BAD: variants seen among roughly 807,000 people sequenced by gnomAD.
BAD encodes the protein bcl2-associated agonist of cell death.
Under a neutral mutation model 17.8 loss-of-function variants are expected in BAD, and 18 were observed. The observed-to-expected ratio is 1.01, with a 90% confidence interval of 0.70 to 1.50. The LOEUF is 1.50. BAD is among the 40% of genes most tolerant of loss of function. The pLI, the probability that BAD is intolerant of heterozygous loss-of-function variation, is 0.00. For synonymous variants in BAD, 112 were observed against 91.5 expected, an observed-to-expected ratio of 1.22 and a Z score of -1.28; for missense variants, 294 against 239.3, an observed-to-expected ratio of 1.23 and a Z score of -1.51.
chr11:64,278,068 G>C (rs1295298411), intron 2 of BAD, among the ~76,000 whole-genome samples: 1 of 152,102 alleles, frequency 6.6e-6, no homozygotes, highest in African/African-American at 2.4e-5. Context: ...CAAAAGGACT[G>C]CTTGAGGCCA....
At position 64,271,758 on chromosome 11, in the gene BAD, G is replaced by C. The variant is rs554645051; in HGVS notation, c.233C>G (p.Ala78Gly). 9.9e-5 allele frequency: 142 copies of C among 1,428,972 alleles called. 4 individuals are homozygous for C. The South Asian group carries it at 2.1e-3, about 22-fold the overall frequency. The allele number at this position is 1,428,972 out of a possible 1,614,324, so 88.5% of individuals were successfully genotyped here. ...EIRSRHSSYP[A>G]GTEDDEGMGE... Reference sequence around the variant, plus strand: ...CATCCCTTCGTCGTCCTCCGTCCCCGCGGGGTAGGAGCTGTGGCGACTCCG... The same window carrying C: ...CATCCCTTCGTCGTCCTCCGTCCCCCCGGGGTAGGAGCTGTGGCGACTCCG... Residue 78 changes from alanine (A) to glycine (G), a missense_variant, in exon 3 of 4, where the codon GCG becomes GGG. Ala to Gly is a moderately conservative substitution (Grantham distance 60). Transcript: ENST00000309032.
Position 64,270,009 on chromosome 11 carries a change from G to C in BAD, c.*200C>G, listed in dbSNP as rs73500186. 2.2e-5 allele frequency: 23 copies of C among 1,068,608 alleles called. No individual in the cohort carries two copies. Among genetic ancestry groups the C allele is most frequent in the Non-Finnish European group, 3.1e-5 (23 of 733,504 alleles). The allele number at this position is 1,068,608 out of a possible 1,614,324, so 66.2% of individuals were successfully genotyped here. A position where few individuals can be genotyped will look rare whatever the true frequency, so the allele number is the denominator to read the frequency against. ...GGAGCCACTTCCGGCGGCTGTGGGC[G>C]GAAAACCCAAAACTTCCGATGGGAC... On this transcript the variant is annotated 3_prime_UTR_variant, in exon 4 of 4. Transcript: ENST00000309032.
Position 64,271,809 on chromosome 11 carries a change from G to A in BAD, c.188-6C>T. Reference sequence around the variant, plus strand: ...GATCTCCACAGCCCCAGCGCCTGCAGAGGGTCAGTGGGTAGGGGGGCGACG... The same window carrying A: ...GATCTCCACAGCCCCAGCGCCTGCAAAGGGTCAGTGGGTAGGGGGGCGACG... On this transcript the variant is annotated splice_polypyrimidine_tract_variant and splice_region_variant and intron_variant, in intron 2 of 3. Transcript: ENST00000309032. 1 of 1,396,768 alleles carries A rather than the reference G, an allele frequency of 7.2e-7. No individual in the cohort carries two copies. The highest frequency in any genetic ancestry group is 2.8e-5 in the East Asian group (1 of 35,854). 86.5% of individuals were successfully genotyped at this position (1,396,768 alleles called of 1,614,324 possible).
intron 2 of BAD, among the ~76,000 whole-genome samples, chr11:64,280,513 G>T (rs1466979532): frequency 1.2e-4 from 17 of 141,562 alleles, no homozygotes; most frequent in South Asian, 2.3e-4. Flanking sequence ...CACCACGCCC[G>T]GCTAATTTTT....
chr11:64,270,083 C>T lies in BAD; in HGVS notation c.*126G>A. Reference sequence around the variant, plus strand: ...CACCGGAAGGGAATCTGGGTCAGCCCTCCCTCCAAAGGAGACAGCACGGAT... The same window carrying T: ...CACCGGAAGGGAATCTGGGTCAGCCTTCCCTCCAAAGGAGACAGCACGGAT... On this transcript the variant is annotated 3_prime_UTR_variant, in exon 4 of 4. Transcript: ENST00000309032. 1 of 1,480,592 alleles carries T rather than the reference C, an allele frequency of 6.8e-7. No homozygotes were observed. The highest frequency in any genetic ancestry group is 9.2e-7 in the Non-Finnish European group (1 of 1,083,602). 91.7% of individuals were successfully genotyped at this position (1,480,592 alleles called of 1,614,324 possible).
At chr11:64,271,431 G>A (rs1039004184) in intron 3 of BAD, among the ~76,000 whole-genome samples, 182 bp downstream of exon 3, 2 of 149,972 alleles carry the variant, frequency 1.3e-5, no homozygotes, top group Admixed American at 1.3e-4. Context: ...GCTGGGGAGT[G>A]GGGGCGGGGA....
intron 2 of BAD, among the ~76,000 whole-genome samples, chr11:64,272,568 G>C (rs1161973551): frequency 6.6e-6 from 1 of 152,228 alleles, no homozygotes; most frequent in Non-Finnish European, 1.5e-5. Context: ...TCTGGAGACA[G>C]TGTCTGGAAC....
intron 1 of BAD, 119 bp downstream of exon 1, chr11:64,284,512 G>A (rs975562595): frequency 1.9e-6 from 3 of 1,548,606 alleles, no homozygotes; most frequent in South Asian, 2.3e-5. Flanking sequence ...GCCCTCATCT[G>A]TCTGCCGGGT....
intron 2 of BAD, chr11:64,272,005 C>G (rs2032666723): frequency 2.4e-6 from 1 of 412,900 alleles, no homozygotes; most frequent in Admixed American, 4.3e-5. Context: ...TTTAGGTTAA[C>G]TTCTCATTAA....
At position 64,270,056 on chromosome 11, in the gene BAD, C is replaced by T. The variant is rs1376050693; in HGVS notation, c.*153G>A. ...GGACCAAGCCTTCCGTGGCTTCACA[C>T]GCACCGGAAGGGAATCTGGGTCAGC... On this transcript the variant is annotated 3_prime_UTR_variant, in exon 4 of 4. Transcript: ENST00000309032. The T allele has an allele frequency of 7.4e-7, 1 of 1,356,280 alleles. No individual in the cohort carries two copies. The highest frequency in any genetic ancestry group is 2.1e-5 in the Admixed American group (1 of 47,122). 84.0% of individuals were successfully genotyped at this position (1,356,280 alleles called of 1,614,324 possible). A position where few individuals can be genotyped will look rare whatever the true frequency, so the allele number is the denominator to read the frequency against.
rs368660221 is a variant in BAD, at chr11:64,271,747, C to T, written c.244G>A (p.Asp82Asn). ...GGCTCCTCCCCCATCCCTTCGTCGT[C>T]CTCCGTCCCCGCGGGGTAGGAGCTG... The part of the protein sequence containing the change: ...RHSSYPAGTE[D>N]DEGMGEEPSP... Residue 82 changes from aspartate to asparagine, a missense_variant, in exon 3 of 4, where the codon GAC becomes AAC. Transcript: ENST00000309032. 182 of 1,450,570 alleles carry T rather than the reference C, an allele frequency of 1.3e-4. 1 individual carries two copies. The highest frequency in any genetic ancestry group is 1.6e-4 in the Non-Finnish European group (174 of 1,102,290). 89.9% of individuals were successfully genotyped at this position (1,450,570 alleles called of 1,614,324 possible). A position where few individuals can be genotyped will look rare whatever the true frequency, so the allele number is the denominator to read the frequency against.
In BAD at chr11:64,270,192, G is replaced by A. The variant is rs774529140; in HGVS notation, c.*17C>T. 5.0e-6 allele frequency: 8 copies of A among 1,613,960 alleles called. No individual in the cohort carries two copies. Among genetic ancestry groups the A allele is most frequent in the East Asian group, 4.5e-5 (2 of 44,876 alleles). Reference sequence around the variant, plus strand: ...GGGCAGTGGGAACGGGTGGAGTTTCGGGATGTGGAGCGAAGGTCACTGGGA... The same window carrying A: ...GGGCAGTGGGAACGGGTGGAGTTTCAGGATGTGGAGCGAAGGTCACTGGGA... On this transcript the variant is annotated 3_prime_UTR_variant, in exon 4 of 4. Coordinates refer to ENST00000309032, the MANE Select transcript of BAD (RefSeq NM_032989.3).
rs770500791 is a variant in BAD at position 64,270,044 on chromosome 11, C to T, written c.*165G>A. The T allele has an allele frequency of 1.2e-5, 15 of 1,298,152 alleles. No homozygotes were observed. The highest frequency in any genetic ancestry group is 4.4e-5 in the African/African-American group (3 of 67,524). The allele number at this position is 1,298,152 out of a possible 1,614,324, so 80.4% of individuals were successfully genotyped here. ...AAACTTCCGATGGGACCAAGCCTTCCGTGGCTTCACACGCACCGGAAGGGA... is the reference window on the plus strand; with the variant it reads ...AAACTTCCGATGGGACCAAGCCTTCTGTGGCTTCACACGCACCGGAAGGGA... On this transcript the variant is annotated 3_prime_UTR_variant, in exon 4 of 4. Transcript: ENST00000309032.
At chr11:64,278,932 A>T (rs2033245665) in intron 2 of BAD, among the ~76,000 whole-genome samples, 1 of 152,140 alleles carries the variant, frequency 6.6e-6, no homozygotes, top group Admixed American at 6.5e-5. Context: ...GCTTTTGGAG[A>T]CACTGAAAAC....
intron 2 of BAD, 137 bp downstream of exon 2, chr11:64,284,045 A>G: frequency 9.4e-7 from 1 of 1,062,714 alleles, no homozygotes; most frequent in South Asian, 1.7e-5. Context: ...TTGCTGTTTT[A>G]CGAAAGAGGA....
Position 64,270,017 on chromosome 11 carries a change from C to G in BAD, c.*192G>C. On this transcript the variant is annotated 3_prime_UTR_variant, in exon 4 of 4. Transcript: ENST00000309032. Reference sequence around the variant, plus strand: ...TTCCGGCGGCTGTGGGCGGAAAACCCAAAACTTCCGATGGGACCAAGCCTT... The same window carrying G: ...TTCCGGCGGCTGTGGGCGGAAAACCGAAAACTTCCGATGGGACCAAGCCTT... The G allele has an allele frequency of 8.6e-7, 1 of 1,167,528 alleles. No individual in the cohort carries two copies. The highest frequency in any genetic ancestry group is 2.6e-5 in the East Asian group (1 of 39,078). 72.3% of individuals were successfully genotyped at this position (1,167,528 alleles called of 1,614,324 possible).
chr11:64,272,792 T>C (rs969283559), intron 2 of BAD: 1 of 152,298 alleles, frequency 6.6e-6, no homozygotes, highest in Non-Finnish European at 1.5e-5. Context: ...AGTCCAGTGA[T>C]GATCAGCGGA....
intron 2 of BAD, chr11:64,276,645 AAGTGTTCT>A: frequency 2.4e-6 from 1 of 424,314 alleles, no homozygotes; most frequent in Non-Finnish European, 4.2e-6. Flanking sequence ...AATTTTTAAA[AAGTGTTCT>A]ATTTACAGGG....
At chr11:64,270,504 A>AT in intron 3 of BAD, 167 bp from the exon 4 acceptor site, 1 of 894,550 alleles carries the variant, frequency 1.1e-6, no homozygotes, top group Non-Finnish European at 1.7e-6. Context: ...GCGAGGACGC[A>AT]TGGGCCCCCA....
Sources: allele counts gnomAD v4.1 joint callset (sites outside exome capture counted in the v4.1 genomes callset), GRCh38; gene constraint gnomAD v4.1.1; transcripts MANE v1.5; gene names NCBI Gene and HGNC (gene_info 2026-07-23, HGNC 2026-07-21).